CNN2: variants seen among roughly 807,000 people sequenced by gnomAD.
The protein encoded by CNN2 is calponin 2.
Under a neutral mutation model 31.0 loss-of-function variants are expected in CNN2, and 21 were observed. The ratio of observed to expected loss-of-function variants is 0.68; its 90% confidence interval spans 0.48 to 0.98. CNN2 has a LOEUF of 0.98. Ranked by LOEUF, CNN2 falls within the 50% of genes least tolerant of loss-of-function variation. CNN2 has a pLI of 0.00. For synonymous variants in CNN2, 165 were observed against 179.6 expected, an observed-to-expected ratio of 0.92 and a Z score of 0.65; for missense variants, 399 against 427.3, an observed-to-expected ratio of 0.93 and a Z score of 0.58.
chr19:1,031,064 C>T lies in CNN2; in HGVS notation c.64-7C>T, dbSNP rs367569605. The stretch of plus-strand genomic sequence containing the variant: ...CCAGCTCAGTCTCGTGCCCTTTGCT[C>T]CACCAGCTCCTGTCCAAATATGACC... On this transcript the variant is annotated splice_region_variant and splice_polypyrimidine_tract_variant and intron_variant, in intron 1 of 6. Transcript: ENST00000263097. 6.2e-7 allele frequency: 1 copy of T among 1,610,634 alleles called. No individual in the cohort carries two copies. The highest frequency in any genetic ancestry group is 1.1e-5 in the South Asian group (1 of 90,936).
At chr19:1,032,805 G>T (rs1186869348) in intron 4 of CNN2, 109 bp downstream of exon 4, 12 of 835,218 alleles carry the variant, frequency 1.4e-5, no homozygotes, top group Non-Finnish European at 2.3e-5. Context: ...TTGAGTCGGA[G>T]TCTCACTCTG....
intron 2 of CNN2, among the ~76,000 whole-genome samples, chr19:1,032,157 C>A (rs2039507855): frequency 6.6e-6 from 1 of 151,618 alleles, no homozygotes; most frequent in Admixed American, 6.6e-5. Flanking sequence ...ATCACTTGAA[C>A]CCGGGAGGTG....
chr19:1,037,758 G>T lies in CNN2; in HGVS notation c.788G>T (p.Gly263Val), dbSNP rs777950426. The change falls in exon 7 of 7, where the codon GGC becomes GTC. Residue 263 changes from glycine to valine, a missense_variant. Coordinates refer to ENST00000263097, the MANE Select transcript of CNN2 (RefSeq NM_004368.4). The part of the protein sequence containing the change: ...QGANQSGQVF[G>V]LGRQIYDPKY... ...GCCAACCAGAGCGGCCAGGTCTTCG[G>T]CCTGGGCCGGCAGATATATGACCCC... The T allele has an allele frequency of 1.2e-6, 2 of 1,611,652 alleles. No individual in the cohort carries two copies. The highest frequency in any genetic ancestry group is 1.7e-6 in the Non-Finnish European group (2 of 1,180,032).
rs1226306551 is a variant in CNN2 at position 1,032,601 on chromosome 19, G to A, written c.295G>A (p.Gly99Ser). 3.7e-6 allele frequency: 6 copies of A among 1,613,072 alleles called. No homozygotes were observed. Among genetic ancestry groups the A allele is most frequent in the Middle Eastern group, 1.8e-4 (1 of 5,572 alleles). Reference sequence around the variant, plus strand: ...CTTCATCAAGGCCATGGTCAGCTACGGCATGAACCCTGTGGACCTGTTCGA... The same window carrying A: ...CTTCATCAAGGCCATGGTCAGCTACAGCATGAACCCTGTGGACCTGTTCGA... The part of the protein sequence containing the change: ...SNFIKAMVSY[G>S]MNPVDLFEAN... Residue 99 changes from glycine to serine, a missense_variant, in exon 4 of 7, where the codon GGC becomes AGC. Gly to Ser is a moderately conservative substitution (Grantham distance 56). Coordinates refer to ENST00000263097, the MANE Select transcript of CNN2 (RefSeq NM_004368.4).
At chr19:1,029,593 C>G (rs1281430163) in intron 1 of CNN2, among the ~76,000 whole-genome samples, 1 of 152,146 alleles carries the variant, frequency 6.6e-6, no homozygotes, top group African/African-American at 2.4e-5. Flanking sequence ...CCAAATAATC[C>G]CAGGAAGAGA....
intron 1 of CNN2, among the ~76,000 whole-genome samples, chr19:1,028,509 C>G (rs1034922030): frequency 6.6e-6 from 1 of 152,186 alleles, no homozygotes; most frequent in African/African-American, 2.4e-5. Flanking sequence ...CCCGCTTCCC[C>G]GTGGCTCAGT....
At chr19:1,032,786 T>C (rs1189640155) in intron 4 of CNN2, 90 bp downstream of exon 4, 1 of 1,044,380 alleles carries the variant, frequency 9.6e-7, no homozygotes, top group Non-Finnish European at 1.4e-6. Flanking sequence ...AATTTCTGTT[T>C]GTTTATTTTT....
chr19:1,030,304 C>CG (rs1234965516), intron 1 of CNN2, among the ~76,000 whole-genome samples: 1 of 152,060 alleles, frequency 6.6e-6, no homozygotes, highest in Non-Finnish European at 1.5e-5. Context: ...CGGTCAGCCT[C>CG]GGGGGCAGCT....
At chr19:1,032,155 A>G (rs373027534) in intron 2 of CNN2, among the ~76,000 whole-genome samples, 32 of 151,462 alleles carry the variant, frequency 2.1e-4, no homozygotes, top group Middle Eastern at 3.4e-3. Flanking sequence ...GAATCACTTG[A>G]ACCCGGGAGG....
chr19:1,027,654 G>A (rs1402154864), intron 1 of CNN2, among the ~76,000 whole-genome samples: 3 of 152,196 alleles, frequency 2.0e-5, no homozygotes, highest in Non-Finnish European at 2.9e-5. Context: ...GGCGGGGGTT[G>A]TGATGCGAGA....
At chr19:1,032,854 C>T in intron 4 of CNN2, 158 bp downstream of exon 4, 2 of 608,356 alleles carry the variant, frequency 3.3e-6, no homozygotes, top group Admixed American at 2.6e-5. Flanking sequence ...TCTCAGCTCA[C>T]TGCAACCTCC....
At chr19:1,036,988 G>A in intron 6 of CNN2, 1 of 270,450 alleles carries the variant, frequency 3.7e-6, no homozygotes, top group Non-Finnish European at 7.3e-6. Flanking sequence ...CTCCCGAGTA[G>A]CTGGGACTAC....
Position 1,031,220 on chromosome 19 carries a change from C to G in CNN2, c.185+28C>G, listed in dbSNP as rs1396325445. The G allele has an allele frequency of 5.2e-6, 8 of 1,538,290 alleles. No homozygotes were observed. In the African/African-American group the frequency reaches 5.6e-5, roughly 11 times the overall value. Reference sequence around the variant, plus strand: ...GAGTACACGCAGGGACACAGGCTGTCTCACACTTAACAAATCTTGGTTTTT... The same window carrying G: ...GAGTACACGCAGGGACACAGGCTGTGTCACACTTAACAAATCTTGGTTTTT... On this transcript the variant is annotated intron_variant, in intron 2 of 6. Transcript: ENST00000263097.
chr19:1,033,182 C>T (rs1052834026), intron 4 of CNN2, among the ~76,000 whole-genome samples: 3 of 152,080 alleles, frequency 2.0e-5, no homozygotes, highest in Admixed American at 6.6e-5. Flanking sequence ...AGTCTGATGG[C>T]GGAGGCATGC....
intron 2 of CNN2, 139 bp downstream of exon 2, chr19:1,031,331 A>AAG: frequency 9.3e-5 from 1 of 10,720 alleles, no homozygotes; most frequent in South Asian, 7.5e-4. Context: ...TTGGAGGCCG[A>AAG]GGGTGGTGGC....
intron 1 of CNN2, among the ~76,000 whole-genome samples, chr19:1,028,820 C>T (rs963775614): frequency 6.6e-6 from 1 of 152,142 alleles, no homozygotes; most frequent in Admixed American, 6.5e-5. Context: ...CAGCAGCCAC[C>T]GTTCTCATTC....
Position 1,028,536 on chromosome 19 carries a change from G to C in CNN2, c.63+1812G>C, listed in dbSNP as rs558330906. Among the ~76,000 whole-genome samples, 29 of 152,332 alleles carry C rather than the reference G, an allele frequency of 1.9e-4. No homozygotes were observed. In the South Asian group the frequency reaches 6.0e-3, roughly 32 times the overall value. ...TGGCTCAGTTGACTCCCGGCTGGAC[G>C]GCACGGAGGCAGCTCGGATCCACAG... On this transcript the variant is annotated intron_variant, in intron 1 of 6. Transcript: ENST00000263097.
In CNN2 at chr19:1,037,987, A is replaced by G. The variant is rs3848640; in HGVS notation, c.*87A>G. 396,818 of 1,221,388 alleles carry G rather than the reference A, an allele frequency of 0.32. 64,812 individuals are homozygous for G. The highest frequency in any genetic ancestry group is 0.38 in the Middle Eastern group (1,300 of 3,440). 75.7% of individuals were successfully genotyped at this position (1,221,388 alleles called of 1,614,324 possible). A position where few individuals can be genotyped will look rare whatever the true frequency, so the allele number is the denominator to read the frequency against. ...TTTTCATCTTTTTTTTTTTTTTCTT[A>G]ACCCGTTCAGTGCTGCCAGTCAACC... On this transcript the variant is annotated 3_prime_UTR_variant, in exon 7 of 7. Coordinates refer to ENST00000263097, the MANE Select transcript of CNN2 (RefSeq NM_004368.4).
intron 1 of CNN2, 109 bp from the exon 2 acceptor site, chr19:1,030,962 A>G (rs1481836058): frequency 1.5e-6 from 2 of 1,360,774 alleles, no homozygotes; most frequent in African/African-American, 3.0e-5. Flanking sequence ...AGGCCGCTCT[A>G]TCTGCTGTTG....
Sources: allele counts gnomAD v4.1 joint callset (sites outside exome capture counted in the v4.1 genomes callset), GRCh38; gene constraint gnomAD v4.1.1; transcripts MANE v1.5; gene names NCBI Gene and HGNC (gene_info 2026-07-23, HGNC 2026-07-21).